KIF1A: variants seen among roughly 807,000 people sequenced by gnomAD.
KIF1A encodes kinesin family member 1A.
KIF1A carries 46 observed loss-of-function variants against 227.3 expected under a neutral mutation model. The ratio of observed to expected loss-of-function variants is 0.20; its 90% confidence interval spans 0.16 to 0.26. The LOEUF (loss-of-function observed/expected upper bound fraction) is 0.26, where lower values mean the gene tolerates loss of function less well. KIF1A is among the 10% of genes least tolerant of loss of function. KIF1A has a pLI of 1.00. For missense variants in KIF1A, 1,683 were observed against 2,485.9 expected, an observed-to-expected ratio of 0.68 and a Z score of 6.87; for synonymous variants, 1,022 against 1,012.8, an observed-to-expected ratio of 1.01 and a Z score of -0.17.
chr2:240,804,060 G>A (rs1261154995), intron 1 of KIF1A, among the ~76,000 whole-genome samples: 1 of 152,210 alleles, frequency 6.6e-6, no homozygotes, highest in Admixed American at 6.5e-5. Context: ...AAGGTTAGGA[G>A]GTTGAGACCA....
At chr2:240,738,153 C>T (rs972354696) in intron 37 of KIF1A, among the ~76,000 whole-genome samples, 11 of 152,228 alleles carry the variant, frequency 7.2e-5, no homozygotes, top group South Asian at 4.1e-4. Context: ...GGGAGGGGAG[C>T]GCAGCTGCTC....
At position 240,758,325 on chromosome 2, in the gene KIF1A, C is replaced by T; in HGVS notation, c.2582+35G>A. ...CCCACTGCCATCTCTCTCTCTCAATCTCTCTCTCTGCCAAGGAAGGGAGGA... is the reference window on the plus strand; with the variant it reads ...CCCACTGCCATCTCTCTCTCTCAATTTCTCTCTCTGCCAAGGAAGGGAGGA... On this transcript the variant is annotated intron_variant, in intron 26 of 48. Coordinates refer to ENST00000498729, the MANE Select transcript of KIF1A (RefSeq NM_001244008.2). The surrounding 1 kb of genome is among the most constrained non-coding windows in gnomAD (Gnocchi z 5.2). The T allele has an allele frequency of 3.8e-6, 6 of 1,580,450 alleles. No homozygotes were observed. Among genetic ancestry groups the T allele is most frequent in the Non-Finnish European group, 4.3e-6 (5 of 1,162,176 alleles).
In KIF1A at chr2:240,746,221, C is replaced by G. The variant is rs776419506; in HGVS notation, c.3064-44G>C. 8.4e-6 allele frequency: 13 copies of G among 1,545,000 alleles called. No individual in the cohort carries two copies. In the East Asian group the frequency reaches 3.2e-4, roughly 38 times the overall value. Reference sequence around the variant, plus strand: ...GAGTCAGAGAGAGCCAGGAGCCAGCCGAGGAGGGGCACCGTAGACCCTGCC... The same window carrying G: ...GAGTCAGAGAGAGCCAGGAGCCAGCGGAGGAGGGGCACCGTAGACCCTGCC... On this transcript the variant is annotated intron_variant, in intron 29 of 48. Coordinates refer to ENST00000498729, the MANE Select transcript of KIF1A (RefSeq NM_001244008.2).
intron 2 of KIF1A, among the ~76,000 whole-genome samples, 161 bp downstream of exon 2, chr2:240,797,486 G>A (rs2056532159): frequency 6.6e-6 from 1 of 152,338 alleles, no homozygotes; most frequent in East Asian, 1.9e-4. Flanking sequence ...ACCGTTGGTG[G>A]CAGTTTGTTA....
At position 240,787,278 on chromosome 2, in the gene KIF1A, G is replaced by A. The variant is rs2126086717; in HGVS notation, c.402C>T (p.Thr134=). ...CCACGGAGTAGGACATGTTGTCGTT[G>A]GTCGTGTCGTTGATCCGAGAGAAGA... ...EDLFSRINDT[T]NDNMSYSVEV... The change falls in exon 5 of 49, where the codon ACC becomes ACT. Residue 134 remains threonine, a synonymous_variant. Coordinates refer to ENST00000498729, the MANE Select transcript of KIF1A (RefSeq NM_001244008.2). 1 of 1,613,376 alleles carries A rather than the reference G, an allele frequency of 6.2e-7. No individual in the cohort carries two copies. The highest frequency in any genetic ancestry group is 8.5e-7 in the Non-Finnish European group (1 of 1,179,736).
In KIF1A at chr2:240,765,757, GT is replaced by G; in HGVS notation, c.1720del (p.Thr574ProfsTer70). Reference sequence around the variant, plus strand: ...TGTGACTTTCTTGCCATTGACGTAGGTGTCTGCCCCCTCACAGGGCTCCAAG... The same window carrying G: ...TGTGACTTTCTTGCCATTGACGTAGGGTCTGCCCCCTCACAGGGCTCCAAG... Reference protein sequence around the residue: ...VTLEPCEGADTYVNGKKVTEP... With the variant: ...VTLEPCEGADXYVNGKKVTEP... On this transcript the variant is annotated frameshift_variant, in exon 20 of 49. Transcript: ENST00000498729. LOFTEE classifies it high-confidence loss of function. 6.2e-7 allele frequency: 1 copy of G among 1,613,666 alleles called. No individual in the cohort carries two copies. Among genetic ancestry groups the G allele is most frequent in the Non-Finnish European group, 8.5e-7 (1 of 1,179,830 alleles).
At chr2:240,791,285 T>C (rs980481088) in intron 2 of KIF1A, among the ~76,000 whole-genome samples, 2 of 152,116 alleles carry the variant, frequency 1.3e-5, no homozygotes, top group African/African-American at 4.8e-5. Flanking sequence ...TGGAAACAAT[T>C]GCAGCGCCTT....
At position 240,775,933 on chromosome 2, in the gene KIF1A, G is replaced by A. The variant is rs957063587; in HGVS notation, c.883-7C>T. On this transcript the variant is annotated splice_region_variant and splice_polypyrimidine_tract_variant and intron_variant, in intron 10 of 48. Coordinates refer to ENST00000498729, the MANE Select transcript of KIF1A (RefSeq NM_001244008.2). This position sits in a 1 kb window ranked among gnomAD's most constrained non-coding sequence, Gnocchi z 5.5. ...TCTTCTTCTTTTTCTTGTTCTGTGGGGGAGGAACATTCAAGGTCAAGCCCG... is the reference window on the plus strand; with the variant it reads ...TCTTCTTCTTTTTCTTGTTCTGTGGAGGAGGAACATTCAAGGTCAAGCCCG... 4 of 1,597,572 alleles carry A rather than the reference G, an allele frequency of 2.5e-6. No homozygotes were observed. In the East Asian group the frequency reaches 6.7e-5, roughly 27 times the overall value.
At chr2:240,755,198 G>A (rs1400068063) in intron 27 of KIF1A, among the ~76,000 whole-genome samples, 2 of 152,210 alleles carry the variant, frequency 1.3e-5, no homozygotes, top group Non-Finnish European at 2.9e-5. Context: ...CCTGGGGGCT[G>A]ACCCTGGCCT....
Position 240,775,669 on chromosome 2 carries a change from C to A in KIF1A, c.958+182G>T, listed in dbSNP as rs1475527215. On this transcript the variant is annotated intron_variant, in intron 11 of 48. Transcript: ENST00000498729. This position sits in a 1 kb window ranked among gnomAD's most constrained non-coding sequence, Gnocchi z 5.5. ...ACTCGCTTCGTTAACCCACTGCTGG[C>A]CGTTGCCCCAGGTCCTCCAGAAGGG... Among the ~76,000 whole-genome samples, 1 of 152,214 alleles carries A rather than the reference C, an allele frequency of 6.6e-6. No individual in the cohort carries two copies. Among genetic ancestry groups the A allele is most frequent in the Non-Finnish European group, 1.5e-5 (1 of 68,034 alleles).
chr2:240,764,413 G>A (rs898919195), intron 20 of KIF1A, among the ~76,000 whole-genome samples: 2 of 152,138 alleles, frequency 1.3e-5, no homozygotes, highest in African/African-American at 2.4e-5. Flanking sequence ...CCCAGGCTTA[G>A]CCACACCGAC....
At chr2:240,815,469 G>A (rs1215767429) in intron 1 of KIF1A, among the ~76,000 whole-genome samples, 1 of 152,120 alleles carries the variant, frequency 6.6e-6, no homozygotes, top group Non-Finnish European at 1.5e-5. Context: ...CAGAGGGAAG[G>A]GGGTGCCTGT....
intron 32 of KIF1A, among the ~76,000 whole-genome samples, chr2:240,744,521 A>G (rs1442815198): frequency 6.6e-6 from 1 of 152,218 alleles, no homozygotes; most frequent in Non-Finnish European, 1.5e-5. Context: ...AAACGGAGTT[A>G]ACGAGAGGTC....
chr2:240,757,294 G>A lies in KIF1A; in HGVS notation c.2858+25C>T. 1.3e-6 allele frequency: 2 copies of A among 1,545,356 alleles called. No individual in the cohort carries two copies. The highest frequency in any genetic ancestry group is 1.8e-6 in the Non-Finnish European group (2 of 1,142,606). On this transcript the variant is annotated intron_variant, in intron 27 of 48. Transcript: ENST00000498729. The surrounding 1 kb of genome is among the most constrained non-coding windows in gnomAD (Gnocchi z 6.2). ...GTGCAAAAGAGCTGGGTCCTCCCCA[G>A]CATGCTCTCCTCGACCTCACCAACC...
rs2125609412 is a variant in KIF1A, at chr2:240,724,098, G to A, written c.4257-62C>T. On this transcript the variant is annotated intron_variant, in intron 40 of 48. Coordinates refer to ENST00000498729, the MANE Select transcript of KIF1A (RefSeq NM_001244008.2). Reference sequence around the variant, plus strand: ...GCCCCGCAACAGGGACACACAGCCAGCCTGGCTGCTGACTTGCCCCACTAT... The same window carrying A: ...GCCCCGCAACAGGGACACACAGCCAACCTGGCTGCTGACTTGCCCCACTAT... 4 of 1,456,348 alleles carry A rather than the reference G, an allele frequency of 2.7e-6. No individual in the cohort carries two copies. In the East Asian group the frequency reaches 9.1e-5, roughly 33 times the overall value. The allele number at this position is 1,456,348 out of a possible 1,614,324, so 90.2% of individuals were successfully genotyped here.
intron 10 of KIF1A, chr2:240,782,315 C>T: frequency 1.5e-6 from 1 of 665,822 alleles, no homozygotes; most frequent in Non-Finnish European, 1.9e-6. Context: ...GGCCCCCACG[C>T]CCCCCGGGCC....
Position 240,725,458 on chromosome 2 carries a change from G to A in KIF1A, c.4123-54C>T, listed in dbSNP as rs879572841. 43 of 1,587,576 alleles carry A rather than the reference G, an allele frequency of 2.7e-5. No individual in the cohort carries two copies. The highest frequency in any genetic ancestry group is 3.3e-5 in the Non-Finnish European group (38 of 1,164,088). On this transcript the variant is annotated intron_variant, in intron 39 of 48. Coordinates refer to ENST00000498729, the MANE Select transcript of KIF1A (RefSeq NM_001244008.2). The surrounding 1 kb of genome is among the most constrained non-coding windows in gnomAD (Gnocchi z 5.8). ...ACAAGGACACCCCGAGTGCCCAGGT[G>A]CCCTTCCAGCCTTCTCCTGGGGGCA... is the stretch of plus-strand genomic sequence containing the variant.
At position 240,758,323 on chromosome 2, in the gene KIF1A, A is replaced by G. The variant is rs368839361; in HGVS notation, c.2582+37T>C. Reference sequence around the variant, plus strand: ...CCCCCACTGCCATCTCTCTCTCTCAATCTCTCTCTCTGCCAAGGAAGGGAG... The same window carrying G: ...CCCCCACTGCCATCTCTCTCTCTCAGTCTCTCTCTCTGCCAAGGAAGGGAG... On this transcript the variant is annotated intron_variant, in intron 26 of 48. Coordinates refer to ENST00000498729, the MANE Select transcript of KIF1A (RefSeq NM_001244008.2). The surrounding 1 kb of genome is among the most constrained non-coding windows in gnomAD (Gnocchi z 5.2). 73 of 1,591,264 alleles carry G rather than the reference A, an allele frequency of 4.6e-5. No individual in the cohort carries two copies. In the African/African-American group the frequency reaches 6.0e-4, roughly 13 times the overall value.
chr2:240,746,613 C>A (rs943736148), intron 29 of KIF1A, among the ~76,000 whole-genome samples: 6 of 152,176 alleles, frequency 3.9e-5, no homozygotes, highest in African/African-American at 1.4e-4. Flanking sequence ...AGTAGGGCAC[C>A]CAGGTTCCAG....
Sources: allele counts gnomAD v4.1 joint callset (sites outside exome capture counted in the v4.1 genomes callset), GRCh38; gene constraint gnomAD v4.1.1; non-coding constraint Gnocchi (gnomAD v3.1); transcripts MANE v1.5; gene names NCBI Gene and HGNC (gene_info 2026-07-23, HGNC 2026-07-21).